The following QSOX2 variants were observed in gnomAD, a reference collection of about 807,000 sequenced individuals.
QSOX2 encodes quiescin sulfhydryl oxidase 2.
A neutral mutation model predicts 61.7 loss-of-function variants in QSOX2; 46 were observed. That is an observed-to-expected ratio of 0.75 (90% CI 0.59 to 0.95). QSOX2 has a LOEUF of 0.95. QSOX2 is among the 40% of genes least tolerant of loss of function. The pLI is 0.00. For missense variants in QSOX2, 879 were observed against 918.9 expected (o/e 0.96, Z 0.56); for synonymous variants, 383 against 388.4 (o/e 0.99, Z 0.16).
At chr9:136,244,944 C>T (rs1830458776) in intron 1 of QSOX2, among the ~76,000 whole-genome samples, 1 of 152,086 alleles carries the variant, frequency 6.6e-6, no homozygotes, top group Non-Finnish European at 1.5e-5. Context: ...CACTATATGG[C>T]CAGCGATCCG....
At position 136,223,854 on chromosome 9, in the gene QSOX2, C is replaced by T; in HGVS notation, c.585-1G>A. The T allele has an allele frequency of 6.2e-7, 1 of 1,613,910 alleles. No homozygotes were observed. Among genetic ancestry groups the T allele is most frequent in the Non-Finnish European group, 8.5e-7 (1 of 1,179,958 alleles). On this transcript the variant is annotated splice_acceptor_variant, in intron 4 of 11. Transcript: ENST00000358701. LOFTEE classifies it high-confidence loss of function. This position sits in a 1 kb window ranked among gnomAD's most constrained non-coding sequence, Gnocchi z 4.4. ...AAGAAGGGAAAGAACATCACTGGGC[C>T]TTTCAAGAGGAAAAAAAGAGGCTTT...
At chr9:136,237,456 A>ATCCTGTGCCGGTGACACCTGGAGCCCG (rs1830395820) in intron 1 of QSOX2, among the ~76,000 whole-genome samples, 1 of 67,904 alleles carries the variant, frequency 1.5e-5, no homozygotes, top group African/African-American at 7.2e-5. Context: ...CCTGGAGCCC[A>ATCCTGTGCCGGTGACACCTGGAGCCCG]TCCTGTGCCG....
At position 136,245,790 on chromosome 9, in the gene QSOX2, C is replaced by T. The variant is rs782533362; in HGVS notation, c.14G>A (p.Gly5Glu). 61 of 1,157,434 alleles carry T rather than the reference C, an allele frequency of 5.3e-5. No individual in the cohort carries two copies. The South Asian group carries it at 1.2e-3, about 22-fold the overall frequency. 71.7% of individuals were successfully genotyped at this position (1,157,434 alleles called of 1,614,324 possible). Residue 5 changes from glycine (G) to glutamate (E), a missense_variant, in exon 1 of 12, where the codon GGG becomes GAG. Coordinates refer to ENST00000358701, the MANE Select transcript of QSOX2 (RefSeq NM_181701.4). Reference protein sequence around the residue: MAAAGAAVARSPGIG... With the variant: MAAAEAAVARSPGIG... ...TCCCGGGCTGCGCGCCACCGCCGCC[C>T]CGGCCGCCGCCATGTTGGAAGTGCC...
chr9:136,232,929 AAAAAAAAAAGAAAAAAG>A lies in QSOX2; in HGVS notation c.329-6072_329-6056del, dbSNP rs1334524698. ...TGAGAACCTGTCTCAAAAAAAAAAA[AAAAAAAAAAGAAAAAAG>A]AAAAAAAAAGAAAATCATGGAGGAG... On this transcript the variant is annotated intron_variant, in intron 1 of 11. Coordinates refer to ENST00000358701, the MANE Select transcript of QSOX2 (RefSeq NM_181701.4). 2.0e-5 allele frequency among the ~76,000 whole-genome samples: 3 copies of A among 149,734 alleles called. No homozygotes were observed. The East Asian group carries it at 5.8e-4, about 29-fold the overall frequency.
At chr9:136,215,048 G>T in intron 10 of QSOX2, 106 bp downstream of exon 10, 1 of 1,347,558 alleles carries the variant, frequency 7.4e-7, no homozygotes, top group Non-Finnish European at 9.9e-7. Context: ...CAGTGGCCTG[G>T]CGACATGCTG....
intron 1 of QSOX2, among the ~76,000 whole-genome samples, chr9:136,242,474 T>C (rs1334400576): frequency 6.6e-6 from 1 of 152,228 alleles, no homozygotes. Flanking sequence ...CCCCAGGGGA[T>C]CAGCAGGATG....
At chr9:136,244,422 G>GA (rs1195557713) in intron 1 of QSOX2, among the ~76,000 whole-genome samples, 4 of 152,160 alleles carry the variant, frequency 2.6e-5, no homozygotes, top group Admixed American at 2.0e-4. Context: ...ACTTAGACTT[G>GA]AAAAAAAGTT....
At chr9:136,231,945 C>T (rs1378806903) in intron 1 of QSOX2, among the ~76,000 whole-genome samples, 1 of 149,160 alleles carries the variant, frequency 6.7e-6, no homozygotes. Context: ...TCCGCAGGTC[C>T]CATCTGCCAG....
chr9:136,225,219 T>C (rs1830268142), intron 2 of QSOX2, among the ~76,000 whole-genome samples: 1 of 152,202 alleles, frequency 6.6e-6, no homozygotes, highest in Non-Finnish European at 1.5e-5. Context: ...CTCTGGGACT[T>C]GGTAGTGAGC....
At chr9:136,210,236 A>T in intron 11 of QSOX2, 1 of 985,448 alleles carries the variant, frequency 1.0e-6, no homozygotes. Flanking sequence ...GACCCCAGGC[A>T]CATCTCCGAG....
chr9:136,230,793 G>A (rs775012143), intron 1 of QSOX2, among the ~76,000 whole-genome samples: 13 of 152,138 alleles, frequency 8.5e-5, no homozygotes, highest in Non-Finnish European at 1.3e-4. Flanking sequence ...CAGAGGATCC[G>A]CCAGACCCAG....
At chr9:136,239,680 T>C (rs1045709355) in intron 1 of QSOX2, among the ~76,000 whole-genome samples, 1 of 152,184 alleles carries the variant, frequency 6.6e-6, no homozygotes, top group African/African-American at 2.4e-5. Context: ...AGAGCTACGC[T>C]CCCAACACCA....
chr9:136,209,820 G>A lies in QSOX2; in HGVS notation c.1550-545C>T. On this transcript the variant is annotated intron_variant, in intron 11 of 11. Transcript: ENST00000358701. The surrounding 1 kb of genome is among the most constrained non-coding windows in gnomAD (Gnocchi z 5.6). ...TTTCCACTGCACTTCAGGTACACTG[G>A]CCCTTTCCGGACTACAAATCCCTTC... is the stretch of plus-strand genomic sequence containing the variant. The A allele has an allele frequency of 2.0e-6, 2 of 985,348 alleles. No homozygotes were observed. Among genetic ancestry groups the A allele is most frequent in the Non-Finnish European group, 2.4e-6 (2 of 829,906 alleles). 61.0% of individuals were successfully genotyped at this position (985,348 alleles called of 1,614,324 possible). A position where few individuals can be genotyped will look rare whatever the true frequency, so the allele number is the denominator to read the frequency against.
Position 136,208,982 on chromosome 9 carries a change from G to C in QSOX2, c.1843C>G (p.Leu615Val), listed in dbSNP as rs764265131. ...DTQSVRPPGA[L>V]GPRPALPESL... ...TCTGGAAGGGCAGGCCTGGGGCCCA[G>C]TGCACCAGGTGGACGGACGCTCTGG... The change falls in exon 12 of 12, where the codon CTG becomes GTG. Residue 615 changes from leucine to valine, a missense_variant. Coordinates refer to ENST00000358701, the MANE Select transcript of QSOX2 (RefSeq NM_181701.4). 1.9e-6 allele frequency: 3 copies of C among 1,613,738 alleles called. No homozygotes were observed. The highest frequency in any genetic ancestry group is 1.7e-6 in the Non-Finnish European group (2 of 1,179,760).
Position 136,216,658 on chromosome 9 carries a change from A to G in QSOX2, c.1151T>C (p.Leu384Pro), listed in dbSNP as rs1248090631. 3 of 1,613,554 alleles carry G rather than the reference A, an allele frequency of 1.9e-6. No individual in the cohort carries two copies. Among genetic ancestry groups the G allele is most frequent in the East Asian group, 4.5e-5 (2 of 44,862 alleles). ...LEMLQEWLAS[L>P]PLDRIPYNAV... ...GTTGTAGGGGATCCTGTCCAGGGGA[A>G]GGCTGGCCAGCCACTCCTGCAGCAT... Residue 384 changes from leucine to proline, a missense_variant, in exon 9 of 12, where the codon CTT becomes CCT. By Grantham distance (98) the Leu-to-Pro change is moderately conservative. Transcript: ENST00000358701.
chr9:136,234,665 C>T (rs1002407000), intron 1 of QSOX2, among the ~76,000 whole-genome samples: 2 of 152,192 alleles, frequency 1.3e-5, no homozygotes, highest in African/African-American at 4.8e-5. Context: ...CTGTGAACCT[C>T]GCATCAGCAG....
At chr9:136,213,482 G>C (rs780670657) in intron 10 of QSOX2, among the ~76,000 whole-genome samples, 86 of 151,892 alleles carry the variant, frequency 5.7e-4, no homozygotes, top group Admixed American at 1.7e-3. Flanking sequence ...TGTTTGGACA[G>C]CTCCCAAGGT....
At chr9:136,224,183 C>T in intron 3 of QSOX2, 71 bp from the exon 4 acceptor site, 2 of 1,239,248 alleles carry the variant, frequency 1.6e-6, no homozygotes, top group Non-Finnish European at 2.3e-6. Context: ...CACCCAGGGA[C>T]AGCAGCCCCG....
At chr9:136,236,631 C>T (rs1423987910) in intron 1 of QSOX2, among the ~76,000 whole-genome samples, 3 of 152,234 alleles carry the variant, frequency 2.0e-5, no homozygotes, top group Non-Finnish European at 2.9e-5. Context: ...AATAAAATAC[C>T]GGGTGAATTC....
Sources: allele counts gnomAD v4.1 joint callset (sites outside exome capture counted in the v4.1 genomes callset), GRCh38; gene constraint gnomAD v4.1.1; non-coding constraint Gnocchi (gnomAD v3.1); transcripts MANE v1.5; gene names NCBI Gene and HGNC (gene_info 2026-07-23, HGNC 2026-07-21).